The following KDM1B variants were observed in gnomAD, a reference collection of about 807,000 sequenced individuals.
The protein encoded by KDM1B is lysine-specific histone demethylase 2.
A neutral mutation model predicts 107.4 loss-of-function variants in KDM1B; 63 were observed. That is an observed-to-expected ratio of 0.59 (90% confidence interval 0.48 to 0.72). The LOEUF is 0.72. Among genes scored for constraint, KDM1B ranks in the 30% least tolerant of loss-of-function variants. The pLI is 0.00. For synonymous variants in KDM1B, 363 were observed against 363.9 expected (o/e 1.00, Z 0.03); for missense variants, 749 against 1,020.8 (o/e 0.73, Z 3.63).
intron 20 of KDM1B, among the ~76,000 whole-genome samples, chr6:18,217,402 G>A (rs1303300758): frequency 3.5e-5 from 5 of 141,238 alleles, no homozygotes; most frequent in Non-Finnish European, 6.1e-5. Context: ...TTTTTGAGAT[G>A]GAGTCTGGCT....
intron 7 of KDM1B, among the ~76,000 whole-genome samples, chr6:18,175,606 A>G (rs1785942988): frequency 1.3e-5 from 2 of 152,124 alleles, no homozygotes; most frequent in Admixed American, 1.3e-4. Flanking sequence ...TTGTAGTTTC[A>G]GGTCCTAGAT....
At chr6:18,181,912 G>C (rs1409737466) in intron 7 of KDM1B, among the ~76,000 whole-genome samples, 1 of 151,982 alleles carries the variant, frequency 6.6e-6, no homozygotes, top group Non-Finnish European at 1.5e-5. Flanking sequence ...TTATGGTTTT[G>C]TTTTTTGTTT....
At chr6:18,192,931 G>A (rs923966795) in intron 10 of KDM1B, among the ~76,000 whole-genome samples, 7 of 151,898 alleles carry the variant, frequency 4.6e-5, no homozygotes, top group Non-Finnish European at 7.4e-5. Context: ...GGTGGCTCAC[G>A]CCTGTAATCC....
At chr6:18,195,461 C>T (rs762540930) in intron 10 of KDM1B, among the ~76,000 whole-genome samples, 5 of 152,054 alleles carry the variant, frequency 3.3e-5, no homozygotes, top group East Asian at 1.9e-4. Context: ...TGGCCGGGCA[C>T]GGTGGCTCAC....
Position 18,171,498 on chromosome 6 carries a change from TTTGAG to T in KDM1B, c.534+22_534+26del. On this transcript the variant is annotated intron_variant, in intron 7 of 21. Transcript: ENST00000650836. ...TATTAAGGTATGTTCTCTTTTTGCT[TTTGAG>T]TTAATTGATATATTAATGTAGTCAG... 8.0e-7 allele frequency: 1 copy of T among 1,247,572 alleles called. No homozygotes were observed. The highest frequency in any genetic ancestry group is 1.2e-5 in the South Asian group (1 of 83,696). The allele number at this position is 1,247,572 out of a possible 1,614,324, so 77.3% of individuals were successfully genotyped here. A position where few individuals can be genotyped will look rare whatever the true frequency, so the allele number is the denominator to read the frequency against.
rs1198857091 is a variant in KDM1B at position 18,191,182 on chromosome 6, T to C, written c.785-15T>C. 1.9e-6 allele frequency: 3 copies of C among 1,547,322 alleles called. No individual in the cohort carries two copies. The highest frequency in any genetic ancestry group is 2.7e-5 in the African/African-American group (2 of 72,902). Reference sequence around the variant, plus strand: ...TTACAGCTTGTAGGAGTTGCCCATTTGTGTTACCTATCAGTTCCAGGCATG... The same window carrying C: ...TTACAGCTTGTAGGAGTTGCCCATTCGTGTTACCTATCAGTTCCAGGCATG... On this transcript the variant is annotated splice_polypyrimidine_tract_variant and intron_variant, in intron 9 of 21. Coordinates refer to ENST00000650836, the MANE Select transcript of KDM1B (RefSeq NM_001364614.2). This position sits in a 1 kb window ranked among gnomAD's most constrained non-coding sequence, Gnocchi z 5.1.
chr6:18,221,171 C>T (rs1370488515), intron 21 of KDM1B, among the ~76,000 whole-genome samples: 1 of 152,170 alleles, frequency 6.6e-6, no homozygotes, highest in Non-Finnish European at 1.5e-5. Context: ...GTTTTCCCTT[C>T]TATCCAGGCA....
intron 20 of KDM1B, among the ~76,000 whole-genome samples, chr6:18,217,435 G>A (rs1434741023): frequency 1.4e-5 from 2 of 147,486 alleles, no homozygotes; most frequent in Non-Finnish European, 3.0e-5. Context: ...CTGGAGTGCA[G>A]TGGCGCGATC....
At chr6:18,176,120 T>C (rs898991398) in intron 7 of KDM1B, among the ~76,000 whole-genome samples, 2 of 152,230 alleles carry the variant, frequency 1.3e-5, no homozygotes, top group Non-Finnish European at 2.9e-5. Context: ...GTGTTGTCTA[T>C]GATTTCTTCC....
At chr6:18,166,888 TAA>T (rs1264030887) in intron 6 of KDM1B, among the ~76,000 whole-genome samples, 1 of 151,764 alleles carries the variant, frequency 6.6e-6, no homozygotes, top group African/African-American at 2.4e-5. Context: ...AAGAAAAAAC[TAA>T]AGGCTCACCA....
Position 18,162,928 on chromosome 6 carries a change from T to G in KDM1B, c.305+4T>G, listed in dbSNP as rs192138463. The G allele has an allele frequency of 1.3e-6, 2 of 1,571,638 alleles. No individual in the cohort carries two copies. The highest frequency in any genetic ancestry group is 4.5e-5 in the East Asian group (2 of 44,654). On this transcript the variant is annotated splice_donor_region_variant and intron_variant, in intron 5 of 21. Transcript: ENST00000650836. This position sits in a 1 kb window ranked among gnomAD's most constrained non-coding sequence, Gnocchi z 4.1. ...GCTTTGACCATTACTACAGAAGGTA[T>G]GTTCACTAATTGTGTGAGGTTTCCC... is the stretch of plus-strand genomic sequence containing the variant.
chr6:18,178,651 A>G (rs1468633509), intron 7 of KDM1B, among the ~76,000 whole-genome samples: 1 of 152,152 alleles, frequency 6.6e-6, no homozygotes, highest in African/African-American at 2.4e-5. Flanking sequence ...TTGGCCTCCC[A>G]AAGTGCTGGG....
Position 18,222,056 on chromosome 6 carries a change from C to T in KDM1B, c.*64C>T. On this transcript the variant is annotated 3_prime_UTR_variant, in exon 22 of 22. Transcript: ENST00000650836. The stretch of plus-strand genomic sequence containing the variant: ...GGGAAATTTGAATCACATGTTAAAC[C>T]TCAGTTTTATAAGAGGGGGAAAAAA... 2 of 1,440,022 alleles carry T rather than the reference C, an allele frequency of 1.4e-6. No individual in the cohort carries two copies. Among genetic ancestry groups the T allele is most frequent in the South Asian group, 1.1e-5 (1 of 87,576 alleles). The allele number at this position is 1,440,022 out of a possible 1,614,324, so 89.2% of individuals were successfully genotyped here.
chr6:18,201,633 C>T lies in KDM1B; in HGVS notation c.1507C>T (p.Gln503Ter). 2.6e-6 allele frequency: 4 copies of T among 1,550,646 alleles called. No homozygotes were observed. The highest frequency in any genetic ancestry group is 3.5e-6 in the Non-Finnish European group (4 of 1,146,940). ...VVSEWRKDKT[Q>*]LQDVPLGEKI... ...CTCTGAGTGGAGAAAGGATAAGACT[C>T]AGCTCCAAGATGTCCCTTTAGGAGG... Residue 503 changes from glutamine to a stop codon, truncating the protein, a stop_gained, in exon 14 of 22, where the codon CAG becomes TAG. Coordinates refer to ENST00000650836, the MANE Select transcript of KDM1B (RefSeq NM_001364614.2). LOFTEE classifies it high-confidence loss of function. The surrounding 1 kb of genome is among the most constrained non-coding windows in gnomAD (Gnocchi z 4.3).
At position 18,204,624 on chromosome 6, in the gene KDM1B, T is replaced by C. The variant is rs568375097; in HGVS notation, c.1532-913T>C. Among the ~76,000 whole-genome samples, 7 of 152,336 alleles carry C rather than the reference T, an allele frequency of 4.6e-5. No homozygotes were observed. The South Asian group carries it at 1.0e-3, about 23-fold the overall frequency. Reference sequence around the variant, plus strand: ...AGTCAGACATCAAGCCAGAACCCTCTTCCAGCCCTGCTATAAAGGAATGTA... The same window carrying C: ...AGTCAGACATCAAGCCAGAACCCTCCTCCAGCCCTGCTATAAAGGAATGTA... On this transcript the variant is annotated intron_variant, in intron 14 of 21. Coordinates refer to ENST00000650836, the MANE Select transcript of KDM1B (RefSeq NM_001364614.2). The surrounding 1 kb of genome is among the most constrained non-coding windows in gnomAD (Gnocchi z 4.9).
chr6:18,192,394 G>T (rs1363492834), intron 10 of KDM1B, among the ~76,000 whole-genome samples: 1 of 152,182 alleles, frequency 6.6e-6, no homozygotes, highest in East Asian at 1.9e-4. Flanking sequence ...AGAAAGATAT[G>T]CCAGTTTCAC....
At chr6:18,176,658 T>A (rs1786029702) in intron 7 of KDM1B, among the ~76,000 whole-genome samples, 1 of 152,220 alleles carries the variant, frequency 6.6e-6, no homozygotes, top group Non-Finnish European at 1.5e-5. Flanking sequence ...AGAGTTTTAA[T>A]CATAAAGCGT....
chr6:18,213,881 A>T lies in KDM1B; in HGVS notation c.2109+100A>T. The T allele has an allele frequency of 7.7e-7, 1 of 1,302,240 alleles. No homozygotes were observed. The highest frequency in any genetic ancestry group is 1.1e-6 in the Non-Finnish European group (1 of 911,118). 80.7% of individuals were successfully genotyped at this position (1,302,240 alleles called of 1,614,324 possible). On this transcript the variant is annotated intron_variant, in intron 19 of 21. Coordinates refer to ENST00000650836, the MANE Select transcript of KDM1B (RefSeq NM_001364614.2). This position sits in a 1 kb window ranked among gnomAD's most constrained non-coding sequence, Gnocchi z 5.9. ...TCAAGCTCAGGAACTAACGAACATC[A>T]TGGAGACCCTGGGTCTATGTTTATA...
rs931380820 is a variant in KDM1B at position 18,155,977 on chromosome 6, T to G, written c.-14+51T>G. The stretch of plus-strand genomic sequence containing the variant: ...CGACTTCGAAAAGCTTCCGAAAGCT[T>G]CTCGGAAAGCGAGGCGGCTGCAGCT... On this transcript the variant is annotated intron_variant, in intron 2 of 21. Coordinates refer to ENST00000650836, the MANE Select transcript of KDM1B (RefSeq NM_001364614.2). This position sits in a 1 kb window ranked among gnomAD's most constrained non-coding sequence, Gnocchi z 6.2. The G allele has an allele frequency of 2.6e-5, 4 of 152,230 alleles. No individual in the cohort carries two copies. The highest frequency in any genetic ancestry group is 7.2e-5 in the African/African-American group (3 of 41,410). 9.4% of individuals were successfully genotyped at this position (152,230 alleles called of 1,614,324 possible). A position where few individuals can be genotyped will look rare whatever the true frequency, so the allele number is the denominator to read the frequency against.
Sources: allele counts gnomAD v4.1 joint callset (sites outside exome capture counted in the v4.1 genomes callset), GRCh38; gene constraint gnomAD v4.1.1; non-coding constraint Gnocchi (gnomAD v3.1); transcripts MANE v1.5; gene names NCBI Gene and HGNC (gene_info 2026-07-23, HGNC 2026-07-21).